MYO7A: variants seen among roughly 807,000 people sequenced by gnomAD.
MYO7A encodes myosin VIIA.
Under a neutral mutation model 263.8 loss-of-function variants are expected in MYO7A, and 210 were observed. The ratio of observed to expected loss-of-function variants is 0.80; its 90% CI spans 0.71 to 0.89. The LOEUF is 0.89. MYO7A is among the 40% of genes least tolerant of loss of function. MYO7A has a pLI of 0.00. For synonymous variants in MYO7A, 1,239 were observed against 1,197.3 expected, an observed-to-expected ratio of 1.03 and a Z score of -0.72; for missense variants, 2,820 against 2,968.3, an observed-to-expected ratio of 0.95 and a Z score of 1.16.
Position 77,189,412 on chromosome 11 carries a change from G to T in MYO7A, c.3572G>T (p.Gly1191Val). 6.2e-7 allele frequency: 1 copy of T among 1,613,908 alleles called. No homozygotes were observed. The highest frequency in any genetic ancestry group is 1.1e-5 in the South Asian group (1 of 91,072). Residue 1191 changes from glycine (G) to valine (V), a missense_variant, in exon 28 of 49, where the codon GGC becomes GTC. Transcript: ENST00000409709. Reference sequence around the variant, plus strand: ...CCCTCCAAGAGCAGCTATGCCCGGGGCTGGATTCTCGTGTCTCTCTGCGTG... The same window carrying T: ...CCCTCCAAGAGCAGCTATGCCCGGGTCTGGATTCTCGTGTCTCTCTGCGTG... The part of the protein sequence containing the change: ...HNPSKSSYAR[G>V]WILVSLCVGC...
chr11:77,162,759 C>T (rs1193661311), intron 13 of MYO7A, 94 bp from the exon 14 acceptor site: 1 of 1,505,724 alleles, frequency 6.6e-7, no homozygotes, highest in Non-Finnish European at 8.9e-7. Flanking sequence ...GGGGAAGCTC[C>T]TGAAGAAGAG....
chr11:77,162,225 C>A lies in MYO7A; in HGVS notation c.1449C>A (p.Asp483Glu). Residue 483 changes from aspartate to glutamate, a missense_variant, in exon 13 of 49, where the codon GAC becomes GAA. By Grantham distance (45) the Asp-to-Glu change is conservative (BLOSUM62 2). Transcript: ENST00000409709. The stretch of plus-strand genomic sequence containing the variant: ...AGGAATATGACCTGGAGAGCATTGA[C>A]TGGCTGCACATCGAGTTCACTGACA... ...EQEEYDLESI[D>E]WLHIEFTDNQ... The A allele has an allele frequency of 6.3e-7, 1 of 1,579,764 alleles. No homozygotes were observed. Among genetic ancestry groups the A allele is most frequent in the Non-Finnish European group, 8.6e-7 (1 of 1,162,060 alleles).
chr11:77,199,800 C>T lies in MYO7A; in HGVS notation c.4834C>T (p.Gln1612Ter). The change falls in exon 35 of 49, where the codon CAG becomes TAG. Residue 1612 changes from glutamine to a stop codon, truncating the protein, a stop_gained. Transcript: ENST00000409709. LOFTEE classifies it high-confidence loss of function. ...RKRSKYVVALQDNPNPAGEES... is the reference protein window; with the variant it reads ...RKRSKYVVAL ...GAGATCTAAGTATGTTGTGGCCCTG[C>T]AGGATAACCCCAACCCCGGTGAGTG... 1.3e-6 allele frequency: 2 copies of T among 1,596,308 alleles called. No individual in the cohort carries two copies. Among genetic ancestry groups the T allele is most frequent in the African/African-American group, 2.7e-5 (2 of 74,800 alleles).
At chr11:77,181,767 GTTTTTTTTTTTGTTTTTTTT>G in intron 23 of MYO7A, among the ~76,000 whole-genome samples, 164 bp from the exon 24 acceptor site, 1 of 138,274 alleles carries the variant, frequency 7.2e-6, no homozygotes, top group East Asian at 2.3e-4. Context: ...CCCTTCTCAA[GTTTTTTTTTTTGTTTTTTTT>G]TTTTTTTTTT....
chr11:77,174,675 G>T (rs1013373416), intron 16 of MYO7A, 81 bp from the exon 17 acceptor site: 2 of 1,455,294 alleles, frequency 1.4e-6, no homozygotes, highest in Non-Finnish European at 1.8e-6. Flanking sequence ...CTGAGCCTTT[G>T]TCTGGGTTGG....
At chr11:77,194,020 G>A (rs752203893) in intron 31 of MYO7A, 37 of 527,268 alleles carry the variant, frequency 7.0e-5, no homozygotes, top group East Asian at 6.0e-4. Context: ...AGCTCTGGTC[G>A]CTGTCTCACA....
At chr11:77,194,278 T>TG in intron 31 of MYO7A, 76 bp from the exon 32 acceptor site, 1 of 1,520,998 alleles carries the variant, frequency 6.6e-7, no homozygotes, top group Non-Finnish European at 8.9e-7. Flanking sequence ...GAGAGGGGCC[T>TG]GGAGCCTTTG....
intron 2 of MYO7A, among the ~76,000 whole-genome samples, chr11:77,134,248 A>G (rs1950849801): frequency 6.6e-6 from 1 of 152,130 alleles, no homozygotes; most frequent in Admixed American, 6.5e-5. Context: ...AACATCTTAA[A>G]TCTGCATCAA....
intron 4 of MYO7A, among the ~76,000 whole-genome samples, chr11:77,150,064 A>G (rs1951857804): frequency 6.6e-6 from 1 of 152,102 alleles, no homozygotes; most frequent in South Asian, 2.1e-4. Flanking sequence ...GTGAGCAGGG[A>G]GCCTGTCCAC....
At chr11:77,160,912 G>C (rs2135286302) in intron 11 of MYO7A, 61 bp from the exon 12 acceptor site, 2 of 1,557,372 alleles carry the variant, frequency 1.3e-6, no homozygotes, top group East Asian at 2.4e-5. Context: ...GGGTCCAGGA[G>C]CCTGGCCTGT....
rs200241993 is a variant in MYO7A at position 77,156,883 on chromosome 11, T to C, written c.614T>C (p.Ile205Thr). The change falls in exon 7 of 49, where the codon ATC (isoleucine) becomes ACC (threonine). Residue 205 changes from isoleucine to threonine, a missense_variant. Ile to Thr is a moderately conservative substitution (Grantham distance 89). Coordinates refer to ENST00000409709, the MANE Select transcript of MYO7A (RefSeq NM_000260.4). ...GCAGCATTTGGGAATGCCAAGACCATCCGCAATGACAACTCAAGCCGTTTC... is the reference window on the plus strand; with the variant it reads ...GCAGCATTTGGGAATGCCAAGACCACCCGCAATGACAACTCAAGCCGTTTC... ...ILEAFGNAKT[I>T]RNDNSSRFGK... 123 of 1,613,982 alleles carry C rather than the reference T, an allele frequency of 7.6e-5. No individual in the cohort carries two copies. In the African/African-American group the frequency reaches 1.4e-3, roughly 19 times the overall value.
At chr11:77,172,644 ACCCTGACCC>A (rs1954207443) in intron 15 of MYO7A, 95 bp from the exon 16 acceptor site, 3 of 1,459,634 alleles carry the variant, frequency 2.1e-6, no homozygotes, top group Non-Finnish European at 2.8e-6. Flanking sequence ...TGTCCCTCAA[ACCCTGACCC>A]CGCTGACCTC....
chr11:77,188,463 CTG>C (rs1238505840), intron 27 of MYO7A, among the ~76,000 whole-genome samples: 1 of 152,184 alleles, frequency 6.6e-6, no homozygotes, highest in Admixed American at 6.5e-5. Flanking sequence ...ACTCTCAAAA[CTG>C]TTGAGCCACT....
rs782300742 is a variant in MYO7A at position 77,155,954 on chromosome 11, C to T, written c.333C>T (p.Leu111=). 6.2e-7 allele frequency: 1 copy of T among 1,612,392 alleles called. No individual in the cohort carries two copies. The highest frequency in any genetic ancestry group is 1.1e-5 in the South Asian group (1 of 90,614). ...ILVAVNPYQL[L]SIYSPEHIRQ... The stretch of plus-strand genomic sequence containing the variant: ...TGGCTGTGAACCCCTACCAGCTGCT[C>T]TCCATCTACTCGCCAGAGCACATCC... The change falls in exon 5 of 49, where the codon CTC becomes CTT. Residue 111 remains leucine, a synonymous_variant. Transcript: ENST00000409709.
intron 4 of MYO7A, 136 bp downstream of exon 4, chr11:77,148,086 C>T: frequency 1.2e-6 from 1 of 837,476 alleles, no homozygotes; most frequent in Non-Finnish European, 1.7e-6. Context: ...CGCTGTGCAG[C>T]TGGACCCCGG....
At chr11:77,147,775 G>T (rs534263250) in intron 3 of MYO7A, 23 bp from the exon 4 acceptor site, 1 of 1,604,490 alleles carries the variant, frequency 6.2e-7, no homozygotes, top group Non-Finnish European at 8.5e-7. Context: ...AGGAGAGCAC[G>T]CTGACGTTCT....
rs1279712904 is a variant in MYO7A at position 77,160,132 on chromosome 11, AGGTGAGCACCTGG to A, written c.1081-26_1081-14del. 5 of 1,542,870 alleles carry A rather than the reference AGGTGAGCACCTGG, an allele frequency of 3.2e-6. No individual in the cohort carries two copies. The African/African-American group carries it at 6.9e-5, about 21-fold the overall frequency. On this transcript the variant is annotated intron_variant, in intron 10 of 48. Transcript: ENST00000409709. ...TGGGTGGAGGGAGGGGCAGGCTGGC[AGGTGAGCACCTGG>A]GGTGTTGCCTGTACCAGGTGAACCC...
intron 31 of MYO7A, among the ~76,000 whole-genome samples, chr11:77,192,874 G>A (rs1478679825): frequency 7.4e-6 from 1 of 135,564 alleles, no homozygotes; most frequent in South Asian, 2.3e-4. Flanking sequence ...GATGATGGTG[G>A]TGATGGTGGA....
Position 77,214,856 on chromosome 11 carries a change from T to C in MYO7A, c.*160T>C, listed in dbSNP as rs1307774454. The stretch of plus-strand genomic sequence containing the variant: ...TATACCAACTGGGCCTCTGATGTTC[T>C]TCCAGTGAGGCATCTCTCTGGGATG... On this transcript the variant is annotated 3_prime_UTR_variant, in exon 49 of 49. Transcript: ENST00000409709. 6.6e-6 allele frequency: 4 copies of C among 601,658 alleles called. 1 individual carries two copies. Among genetic ancestry groups the C allele is most frequent in the Non-Finnish European group, 1.2e-5 (4 of 342,184 alleles). 37.3% of individuals were successfully genotyped at this position (601,658 alleles called of 1,614,324 possible).
Sources: allele counts gnomAD v4.1 joint callset (sites outside exome capture counted in the v4.1 genomes callset), GRCh38; gene constraint gnomAD v4.1.1; transcripts MANE v1.5; gene names NCBI Gene and HGNC (gene_info 2026-07-23, HGNC 2026-07-21).